The following FGF14 variants were observed in gnomAD, a reference collection of about 807,000 sequenced individuals.
FGF14 encodes the protein fibroblast growth factor 14, also known as fibroblast growth factor homologous factor 4.
A neutral mutation model predicts 25.5 loss-of-function variants in FGF14; 5 were observed. That is an observed-to-expected ratio of 0.20 (90% confidence interval 0.10 to 0.41). The LOEUF (loss-of-function observed/expected upper bound fraction) is 0.41. FGF14 is among the 10% of genes least tolerant of loss of function. FGF14 has a pLI of 1.00. For synonymous variants in FGF14, 138 were observed against 118.3 expected, an observed-to-expected ratio of 1.17 and a Z score of -1.08; for missense variants, 222 against 320.1, an observed-to-expected ratio of 0.69 and a Z score of 2.34.
At chr13:102,060,458 A>G (rs2478056) in intron 1 of FGF14, among the ~76,000 whole-genome samples, 86,470 of 152,094 alleles carry the variant, frequency 0.57, 27,370 homozygotes, top group African/African-American at 0.85. Context: ...CCCGGGGGGC[A>G]GAGCTTGCAG....
intron 1 of FGF14, among the ~76,000 whole-genome samples, chr13:101,934,028 C>T (rs2034940028): frequency 6.6e-6 from 1 of 152,120 alleles, no homozygotes; most frequent in East Asian, 1.9e-4. Flanking sequence ...AAACTATCAA[C>T]TCTTGTATTC....
intron 1 of FGF14, 130 bp downstream of exon 1, chr13:101,916,323 A>T: frequency 1.8e-6 from 2 of 1,123,800 alleles, no homozygotes; most frequent in Non-Finnish European, 2.6e-6. Flanking sequence ...CGGCACCCAG[A>T]GTGCTCAGAA....
At chr13:102,041,271 T>C (rs2139997731) in intron 1 of FGF14, among the ~76,000 whole-genome samples, 1 of 152,190 alleles carries the variant, frequency 6.6e-6, no homozygotes, top group Admixed American at 6.5e-5. Context: ...AGTTTGACTA[T>C]CCTAGAAGAA....
chr13:102,283,415 T>C (rs2053944090), intron 1 of FGF14, among the ~76,000 whole-genome samples: 1 of 152,158 alleles, frequency 6.6e-6, no homozygotes, highest in African/African-American at 2.4e-5. Flanking sequence ...CCCCTTCTGG[T>C]ACATGCTGGG....
chr13:102,071,475 T>G (rs1239916619), intron 1 of FGF14, among the ~76,000 whole-genome samples: 1 of 152,196 alleles, frequency 6.6e-6, no homozygotes, highest in Non-Finnish European at 1.5e-5. Flanking sequence ...CTGTTTACTA[T>G]TTGTTTTACT....
At chr13:102,398,880 A>G (rs1336144105) in intron 1 of FGF14, among the ~76,000 whole-genome samples, 1 of 145,534 alleles carries the variant, frequency 6.9e-6, no homozygotes, top group Non-Finnish European at 1.5e-5. Flanking sequence ...TATATATTAT[A>G]TATATGTATA....
At chr13:101,737,058 TA>T (rs1181230044) in intron 3 of FGF14, among the ~76,000 whole-genome samples, 3 of 148,996 alleles carry the variant, frequency 2.0e-5, no homozygotes, top group African/African-American at 7.3e-5. Context: ...CCTTATGTTT[TA>T]TAAGCATTGG....
At chr13:102,105,935 C>A (rs974384722) in intron 1 of FGF14, among the ~76,000 whole-genome samples, 2 of 152,076 alleles carry the variant, frequency 1.3e-5, no homozygotes, top group Admixed American at 1.3e-4. Context: ...ATATTGCAAT[C>A]AATATTTTGC....
intron 3 of FGF14, among the ~76,000 whole-genome samples, chr13:101,791,254 G>A (rs1456003337): frequency 6.6e-6 from 1 of 152,092 alleles, no homozygotes; most frequent in African/African-American, 2.4e-5. Context: ...TGTACTGTAA[G>A]GTGCTGTAAC....
At chr13:101,963,926 GA>G (rs1405180031) in intron 1 of FGF14, among the ~76,000 whole-genome samples, 2 of 152,180 alleles carry the variant, frequency 1.3e-5, no homozygotes, top group Non-Finnish European at 2.9e-5. Context: ...ACTCAGACAA[GA>G]GGAGTTGAAA....
chr13:102,242,703 G>A (rs549643338), intron 1 of FGF14, among the ~76,000 whole-genome samples: 1 of 152,148 alleles, frequency 6.6e-6, no homozygotes, highest in South Asian at 2.1e-4. Flanking sequence ...ATATGCTTTT[G>A]GGGGAACACA....
intron 1 of FGF14, among the ~76,000 whole-genome samples, chr13:102,253,371 A>G (rs1555387747): frequency 6.6e-6 from 1 of 152,172 alleles, no homozygotes; most frequent in Non-Finnish European, 1.5e-5. Flanking sequence ...TCTAACTGGC[A>G]TGAAATGGTA....
chr13:101,726,625 G>C lies in FGF14; in HGVS notation c.594C>G (p.Pro198=). ...CATAATACTCACCTTCCAATGGCTT[G>C]GGTAGAAAATGAGCTGCTGGTTTGG... ...KKTKPAAHFL[P]KPLEVAMYRE... is the part of the protein sequence containing the mutation. The change falls in exon 4 of 5, where the codon CCC becomes CCG. Residue 198 remains proline (P), a synonymous_variant. Transcript: ENST00000376143. 1 of 1,613,116 alleles carries C rather than the reference G, an allele frequency of 6.2e-7. No individual in the cohort carries two copies. Among genetic ancestry groups the C allele is most frequent in the Non-Finnish European group, 8.5e-7 (1 of 1,179,426 alleles).
At chr13:102,360,248 T>C in intron 1 of FGF14, among the ~76,000 whole-genome samples, 1 of 152,220 alleles carries the variant, frequency 6.6e-6, no homozygotes, top group East Asian at 1.9e-4. Context: ...CTTGTGGTGA[T>C]TTTAAAACTA....
chr13:101,904,271 T>C (rs2031957192), intron 1 of FGF14, among the ~76,000 whole-genome samples: 1 of 152,148 alleles, frequency 6.6e-6, no homozygotes, highest in African/African-American at 2.4e-5. Flanking sequence ...TTGTGGACCT[T>C]TGGGCTCTAG....
chr13:102,092,161 C>A (rs2044194468), intron 1 of FGF14, among the ~76,000 whole-genome samples: 1 of 152,198 alleles, frequency 6.6e-6, no homozygotes. Context: ...ACAGAAACTA[C>A]AATCTGCCCT....
Position 102,261,658 on chromosome 13 carries a change from A to G in FGF14, c.208+139813T>C, listed in dbSNP as rs1258412432. Among the ~76,000 whole-genome samples the G allele has an allele frequency of 3.3e-5, 5 of 152,370 alleles. No individual in the cohort carries two copies. In the East Asian group the frequency reaches 7.7e-4, roughly 23 times the overall value. On this transcript the variant is annotated intron_variant, in intron 1 of 4. Transcript: ENST00000376131. ...CAGCTTTTAGTGTCCAATATCTTCT[A>G]TAAAAATACATCACACATAAGGAAA...
chr13:102,076,880 CA>C (rs1338778827), intron 1 of FGF14, among the ~76,000 whole-genome samples: 1 of 152,036 alleles, frequency 6.6e-6, no homozygotes, highest in Non-Finnish European at 1.5e-5. Flanking sequence ...AAGCATACCA[CA>C]GAGCTATAGT....
chr13:101,822,922 A>C (rs2042225991), intron 3 of FGF14, among the ~76,000 whole-genome samples: 1 of 152,088 alleles, frequency 6.6e-6, no homozygotes, highest in Non-Finnish European at 1.5e-5. Context: ...CCATCATTCT[A>C]CTTTCCACCC....
Sources: gnomAD v4.1 joint callset for allele counts (sites outside exome capture counted in the v4.1 genomes callset) on GRCh38, gnomAD v4.1.1 for gene constraint, MANE v1.5 for transcripts, NCBI Gene and HGNC (gene_info 2026-07-23, HGNC 2026-07-21) for gene names.